STAB1: variants seen among roughly 807,000 people sequenced by gnomAD.
STAB1 encodes stabilin 1, also known as stabilin-1.
In STAB1, 250 loss-of-function variants were observed where a neutral mutation model predicts 332.4. The observed-to-expected ratio is 0.75, with a 90% confidence interval of 0.68 to 0.84. The LOEUF is 0.84. STAB1 is among the 40% of genes least tolerant of loss of function. The pLI is 0.00. For missense variants in STAB1, 3,249 were observed against 3,489.7 expected (o/e 0.93, Z 1.74); for synonymous variants, 1,475 against 1,390.4 (o/e 1.06, Z -1.35).
At chr3:52,498,337 C>T (rs1708195296) in intron 1 of STAB1, among the ~76,000 whole-genome samples, 1 of 152,246 alleles carries the variant, frequency 6.6e-6, no homozygotes, top group African/African-American at 2.4e-5. Flanking sequence ...GGGAATCTGA[C>T]TCAGCACTCA....
intron 1 of STAB1, among the ~76,000 whole-genome samples, chr3:52,500,216 C>T (rs1708343633): frequency 6.6e-6 from 1 of 152,258 alleles, no homozygotes; most frequent in Non-Finnish European, 1.5e-5. Context: ...TTTGTTTTTA[C>T]TTCTTTCCAC....
intron 5 of STAB1, 118 bp from the exon 6 acceptor site, chr3:52,502,514 C>A: frequency 2.1e-6 from 2 of 938,228 alleles, no homozygotes; most frequent in Non-Finnish European, 1.6e-6. Flanking sequence ...CAGCTCTGTA[C>A]TCTTAAGGTT....
In STAB1 at chr3:52,513,739, G is replaced by A. The variant is rs751261006; in HGVS notation, c.3293G>A (p.Ser1098Asn). 10 of 1,613,452 alleles carry A rather than the reference G, an allele frequency of 6.2e-6. No homozygotes were observed. In the South Asian group the frequency reaches 9.9e-5, roughly 16 times the overall value. The change falls in exon 31 of 69, where the codon AGC becomes AAC. Residue 1098 changes from serine to asparagine, a missense_variant. Ser to Asn is a conservative substitution (Grantham distance 46). Coordinates refer to ENST00000321725, the MANE Select transcript of STAB1 (RefSeq NM_015136.3). ...ISGRVWVQNA[S>N]VDVADLLATN... ...CAGAGGGTCTGGGTGCAGAATGCCA[G>A]CGTGGATGTGGCTGACCTCCTTGCC...
chr3:52,506,942 G>T, intron 18 of STAB1, 92 bp downstream of exon 18: 2 of 1,537,734 alleles, frequency 1.3e-6, no homozygotes, highest in African/African-American at 1.4e-5. Context: ...CGCTAAGTCA[G>T]GGCTGGGCTG....
intron 25 of STAB1, 86 bp from the exon 26 acceptor site, chr3:52,511,564 C>A: frequency 7.9e-7 from 1 of 1,265,906 alleles, no homozygotes; most frequent in Non-Finnish European, 1.1e-6. Flanking sequence ...TCCCTGGGGG[C>A]AGTGACCAGA....
At chr3:52,513,397 A>G (rs1194855197) in intron 30 of STAB1, among the ~76,000 whole-genome samples, 156 bp downstream of exon 30, 1 of 152,156 alleles carries the variant, frequency 6.6e-6, no homozygotes. Context: ...CTCAGGACGC[A>G]TTGCTGATGG....
chr3:52,514,908 G>C, intron 35 of STAB1, 79 bp downstream of exon 35: 1 of 1,612,400 alleles, frequency 6.2e-7, no homozygotes, highest in Admixed American at 1.7e-5. Flanking sequence ...TAGTGGGGAG[G>C]GGCGCATGGT....
At chr3:52,497,371 G>A (rs1047373746) in intron 1 of STAB1, among the ~76,000 whole-genome samples, 17 of 151,300 alleles carry the variant, frequency 1.1e-4, no homozygotes, top group African/African-American at 2.4e-4. Context: ...TAAGGTATAC[G>A]GGAGGATGTG....
rs1194667817 is a variant in STAB1, at chr3:52,510,445, G to C, written c.2725G>C (p.Glu909Gln). The change falls in exon 25 of 69, where the codon GAG becomes CAG. Residue 909 changes from glutamate to glutamine, a missense_variant. Transcript: ENST00000321725. ...CGTCTGTGTGGCTATTGACGAGTGT[G>C]AGCTGGACATGAGAGGTGGCTGCCA... ...GRVCVAIDEC[E>Q]LDMRGGCHTD... The C allele has an allele frequency of 3.1e-6, 5 of 1,613,674 alleles. No individual in the cohort carries two copies. The highest frequency in any genetic ancestry group is 1.3e-5 in the African/African-American group (1 of 74,928).
chr3:52,512,741 G>A, intron 28 of STAB1, 87 bp from the exon 29 acceptor site: 1 of 1,610,440 alleles, frequency 6.2e-7, no homozygotes, highest in Non-Finnish European at 8.5e-7. Flanking sequence ...GGGAGGTTGG[G>A]GGCAGGGCTG....
At chr3:52,520,143 G>A in intron 51 of STAB1, 23 bp downstream of exon 51, 1 of 1,612,310 alleles carries the variant, frequency 6.2e-7, no homozygotes, top group Non-Finnish European at 8.5e-7. Flanking sequence ...CCCAACCTTG[G>A]TCTTCACTGC....
intron 5 of STAB1, 55 bp from the exon 6 acceptor site, chr3:52,502,577 C>A: frequency 6.8e-7 from 1 of 1,477,856 alleles, no homozygotes; most frequent in Non-Finnish European, 9.4e-7. Flanking sequence ...CCCGATGTCC[C>A]AGTGTGTGCC....
At position 52,520,515 on chromosome 3, in the gene STAB1, G is replaced by C; in HGVS notation, c.5615G>C (p.Arg1872Pro). The C allele has an allele frequency of 3.7e-6, 6 of 1,612,262 alleles. No homozygotes were observed. The highest frequency in any genetic ancestry group is 5.1e-6 in the Non-Finnish European group (6 of 1,179,802). Residue 1872 changes from arginine (R) to proline (P), a missense_variant, in exon 53 of 69, where the codon CGC becomes CCC. By Grantham distance (103) the Arg-to-Pro change is moderately radical. Coordinates refer to ENST00000321725, the MANE Select transcript of STAB1 (RefSeq NM_015136.3). The stretch of plus-strand genomic sequence containing the variant: ...CTGGAGCCACCTGGCCTTGGTGCTC[G>C]CTGTGACCACTTTGAGACCCGGCCC... ...QLLEPPGLGARCDHFETRPLR... is the reference protein window; with the variant it reads ...QLLEPPGLGAPCDHFETRPLR...
At position 52,523,591 on chromosome 3, in the gene STAB1, T is replaced by C. The variant is rs1014584013; in HGVS notation, c.7290+15T>C. On this transcript the variant is annotated intron_variant, in intron 65 of 68. Transcript: ENST00000321725. ...GGGCCCCTGTGGTGAGTCTGGCCACTGTCCCACCCTGTTGGCCCTGGCCCT... is the reference window on the plus strand; with the variant it reads ...GGGCCCCTGTGGTGAGTCTGGCCACCGTCCCACCCTGTTGGCCCTGGCCCT... 1.1e-5 allele frequency: 17 copies of C among 1,612,546 alleles called. No homozygotes were observed. The highest frequency in any genetic ancestry group is 1.4e-5 in the Non-Finnish European group (17 of 1,179,996).
chr3:52,521,283 G>C, intron 55 of STAB1, 78 bp from the exon 56 acceptor site: 1 of 1,589,892 alleles, frequency 6.3e-7, no homozygotes, highest in Non-Finnish European at 8.6e-7. Context: ...CAGATGGCAG[G>C]GCTAGGCTGG....
In STAB1 at chr3:52,522,714, C is replaced by T. The variant is rs536370211; in HGVS notation, c.6744+26C>T. 5.0e-6 allele frequency: 8 copies of T among 1,612,762 alleles called. No homozygotes were observed. In the African/African-American group the frequency reaches 6.7e-5, roughly 13 times the overall value. ...GTGTGTGGGGCCCAGAAGTTGGGGC[C>T]AAGTGTTGGGGGAGGCCTTGACTGG... On this transcript the variant is annotated intron_variant, in intron 61 of 68. Transcript: ENST00000321725.
At position 52,518,732 on chromosome 3, in the gene STAB1, G is replaced by T; in HGVS notation, c.4897G>T (p.Ala1633Ser). 6.2e-7 allele frequency: 1 copy of T among 1,612,536 alleles called. No individual in the cohort carries two copies. The change falls in exon 48 of 69, where the codon GCC becomes TCC. Residue 1633 changes from alanine (A) to serine (S), a missense_variant. Physicochemically the swap from Ala to Ser is moderately conservative, Grantham distance 99. Coordinates refer to ENST00000321725, the MANE Select transcript of STAB1 (RefSeq NM_015136.3). Reference protein sequence around the residue: ...LMSNLSQDELARIRAHRQLVF... With the variant: ...LMSNLSQDELSRIRAHRQLVF... Reference sequence around the variant, plus strand: ...CGCGACTCTGCTCCAGGATGAGCTGGCCCGGATTCGTGCGCATCGCCAGCT... The same window carrying T: ...CGCGACTCTGCTCCAGGATGAGCTGTCCCGGATTCGTGCGCATCGCCAGCT...
At chr3:52,503,270 T>A in intron 7 of STAB1, 74 bp from the exon 8 acceptor site, 1 of 1,538,242 alleles carries the variant, frequency 6.5e-7, no homozygotes, top group Non-Finnish European at 8.8e-7. Context: ...GCCCCGGCCT[T>A]CCTGGTGAAA....
chr3:52,503,536 G>A lies in STAB1; in HGVS notation c.887G>A (p.Gly296Asp), dbSNP rs750880504. 1.2e-6 allele frequency: 2 copies of A among 1,612,808 alleles called. No individual in the cohort carries two copies. The highest frequency in any genetic ancestry group is 1.3e-5 in the African/African-American group (1 of 74,942). Residue 296 changes from glycine to aspartate, a missense_variant, in exon 8 of 69, where the codon GGC (glycine) becomes GAC (aspartate). Physicochemically the swap from Gly to Asp is moderately conservative, Grantham distance 94 (BLOSUM62 -1). Coordinates refer to ENST00000321725, the MANE Select transcript of STAB1 (RefSeq NM_015136.3). ...NSTLCVYQKP[G>D]QAFCTCRPGL... is the part of the protein sequence containing the mutation. Reference sequence around the variant, plus strand: ...ACTTTGTGTGTGTACCAGAAGCCGGGCCAGGTGAGCCAGGGTCCCAGGCCG... The same window carrying A: ...ACTTTGTGTGTGTACCAGAAGCCGGACCAGGTGAGCCAGGGTCCCAGGCCG...
Sources: allele counts gnomAD v4.1 joint callset (sites outside exome capture counted in the v4.1 genomes callset), GRCh38; gene constraint gnomAD v4.1.1; transcripts MANE v1.5; gene names NCBI Gene and HGNC (gene_info 2026-07-23, HGNC 2026-07-21).